Variants in MCPH1 observed in about 807,000 individuals in gnomAD.
MCPH1 encodes the protein microcephalin.
MCPH1 carries 104 observed loss-of-function variants against 84.5 expected under a neutral mutation model. The observed-to-expected ratio is 1.23, with a 90% CI of 1.05 to 1.45. MCPH1 has a LOEUF of 1.45. Among genes scored for constraint, MCPH1 ranks in the 40% most tolerant of loss-of-function variants. The pLI is 0.00. For synonymous variants in MCPH1, 514 were observed against 366.8 expected (o/e 1.40, Z -4.58); for missense variants, 1,498 against 1,005.7 (o/e 1.49, Z -6.62).
chr8:6,562,386 G>C (rs1402963981), intron 12 of MCPH1, among the ~76,000 whole-genome samples: 1 of 151,956 alleles, frequency 6.6e-6, no homozygotes, highest in African/African-American at 2.4e-5. Context: ...TGTTAATAAA[G>C]ATTTCTAACT....
chr8:6,580,742 C>T (rs2515522), intron 12 of MCPH1, among the ~76,000 whole-genome samples: 64,377 of 151,924 alleles, frequency 0.42, 14,525 homozygotes, highest in East Asian at 0.85. Context: ...AGGAAAAAGA[C>T]CCAGGAGGCA....
chr8:6,636,387 C>G (rs1285636809), intron 13 of MCPH1, among the ~76,000 whole-genome samples: 1 of 151,154 alleles, frequency 6.6e-6, no homozygotes, highest in Non-Finnish European at 1.5e-5. Context: ...TGCCACACAA[C>G]CACTGATTGT....
At chr8:6,588,871 C>T (rs1019230407) in intron 12 of MCPH1, among the ~76,000 whole-genome samples, 2 of 152,228 alleles carry the variant, frequency 1.3e-5, no homozygotes, top group Non-Finnish European at 2.9e-5. Context: ...GCCCAGTTCT[C>T]ACAGAAAAGA....
chr8:6,422,848 C>T (rs1277729468), intron 3 of MCPH1, among the ~76,000 whole-genome samples: 2 of 152,010 alleles, frequency 1.3e-5, no homozygotes, highest in African/African-American at 4.8e-5. Flanking sequence ...GCCACCACGC[C>T]CGGCTAATTT....
intron 12 of MCPH1, among the ~76,000 whole-genome samples, chr8:6,610,156 G>A (rs549267123): frequency 6.6e-6 from 1 of 152,274 alleles, no homozygotes; most frequent in South Asian, 2.1e-4. Flanking sequence ...TCCATTGTCA[G>A]ACTGTTAAAT....
At chr8:6,413,440 C>G (rs1180218777) in intron 2 of MCPH1, among the ~76,000 whole-genome samples, 2 of 151,108 alleles carry the variant, frequency 1.3e-5, no homozygotes, top group African/African-American at 4.9e-5. Context: ...AATGCATATC[C>G]TTTAGTTTGA....
intron 12 of MCPH1, among the ~76,000 whole-genome samples, chr8:6,606,888 A>G (rs1289873338): frequency 6.6e-6 from 1 of 152,230 alleles, no homozygotes; most frequent in Admixed American, 6.5e-5. Context: ...CTTGTTTGCC[A>G]CCATGTGAGA....
At chr8:6,511,529 C>T (rs1251282706) in intron 12 of MCPH1, among the ~76,000 whole-genome samples, 1 of 152,062 alleles carries the variant, frequency 6.6e-6, no homozygotes, top group African/African-American at 2.4e-5. Flanking sequence ...AGTTTTCCAA[C>T]ACTTGGGGAA....
chr8:6,473,459 G>A (rs2129558828), intron 9 of MCPH1, among the ~76,000 whole-genome samples: 1 of 150,172 alleles, frequency 6.7e-6, no homozygotes, highest in East Asian at 2.0e-4. Context: ...GGCCTCCCAA[G>A]TAGCTGGGAC....
intron 13 of MCPH1, among the ~76,000 whole-genome samples, chr8:6,630,250 A>G (rs1345840421): frequency 6.6e-6 from 1 of 152,212 alleles, no homozygotes; most frequent in Non-Finnish European, 1.5e-5. Context: ...AATCCTGACA[A>G]TGTTGAAAAA....
chr8:6,482,547 GA>G (rs973678498), intron 11 of MCPH1, among the ~76,000 whole-genome samples: 3 of 152,156 alleles, frequency 2.0e-5, no homozygotes, highest in African/African-American at 7.2e-5. Flanking sequence ...GGTTTTGGAG[GA>G]AAAAATGTTA....
At chr8:6,627,749 G>C (rs1435233263) in intron 13 of MCPH1, among the ~76,000 whole-genome samples, 2 of 152,066 alleles carry the variant, frequency 1.3e-5, no homozygotes, top group Non-Finnish European at 2.9e-5. Context: ...ATAATTAGCG[G>C]GCATGGTGGT....
At chr8:6,515,319 T>C (rs780001466) in intron 12 of MCPH1, among the ~76,000 whole-genome samples, 44 of 152,164 alleles carry the variant, frequency 2.9e-4, no homozygotes, top group Non-Finnish European at 4.7e-4. Flanking sequence ...TTCCTTTATG[T>C]GCAATACTAA....
At position 6,444,870 on chromosome 8, in the gene MCPH1, C is replaced by G; in HGVS notation, c.1148C>G (p.Pro383Arg). The G allele has an allele frequency of 1.2e-6, 2 of 1,614,104 alleles. No homozygotes were observed. Among genetic ancestry groups the G allele is most frequent in the Non-Finnish European group, 1.7e-6 (2 of 1,180,024 alleles). ...AGGAGCACCAGGAGATCTATCATGCCGAGGCTGCAGCTGTGCAGGTCGGAA... is the reference window on the plus strand; with the variant it reads ...AGGAGCACCAGGAGATCTATCATGCGGAGGCTGCAGCTGTGCAGGTCGGAA... ...RKRSTRRSIMPRLQLCRSEDR... is the reference protein window; with the variant it reads ...RKRSTRRSIMRRLQLCRSEDR... Residue 383 changes from proline (P) to arginine (R), a missense_variant, in exon 8 of 14, where the codon CCG becomes CGG. Coordinates refer to ENST00000344683, the MANE Select transcript of MCPH1 (RefSeq NM_024596.5).
At chr8:6,558,597 A>T (rs1029848870) in intron 12 of MCPH1, among the ~76,000 whole-genome samples, 1 of 152,330 alleles carries the variant, frequency 6.6e-6, no homozygotes, top group South Asian at 2.1e-4. Flanking sequence ...AAAGAGCCAC[A>T]TTGATTAAAA....
chr8:6,458,273 C>T (rs563858624), intron 9 of MCPH1, among the ~76,000 whole-genome samples: 4 of 152,122 alleles, frequency 2.6e-5, no homozygotes, highest in South Asian at 4.2e-4. Context: ...GAGATCAAGA[C>T]CATCCTGGCT....
chr8:6,559,835 G>A (rs1227502040), intron 12 of MCPH1, among the ~76,000 whole-genome samples: 1 of 151,762 alleles, frequency 6.6e-6, no homozygotes, highest in Admixed American at 6.5e-5. Flanking sequence ...GTCCACTGCA[G>A]TGTGTTTTGT....
chr8:6,568,524 G>C (rs1826404467), intron 12 of MCPH1, among the ~76,000 whole-genome samples: 1 of 152,202 alleles, frequency 6.6e-6, no homozygotes, highest in Admixed American at 6.5e-5. Context: ...TCCAGATCAA[G>C]GGATGGAAAT....
Position 6,543,044 on chromosome 8 carries a change from A to C in MCPH1, c.2214+43115A>C, listed in dbSNP as rs138951089. Among the ~76,000 whole-genome samples, 975 of 152,236 alleles carry C rather than the reference A, an allele frequency of 6.4e-3. 12 individuals carry two copies. Among genetic ancestry groups the C allele is most frequent in the African/African-American group, 0.023 (953 of 41,524 alleles). On this transcript the variant is annotated intron_variant, in intron 12 of 13. Transcript: ENST00000344683. Reference sequence around the variant, plus strand: ...CTGATGGGAATGCTTGAGAAATCTCACAGCAGGGCTGTGCGTGCCCTGCCG... The same window carrying C: ...CTGATGGGAATGCTTGAGAAATCTCCCAGCAGGGCTGTGCGTGCCCTGCCG...
Sources: allele counts gnomAD v4.1 joint callset (sites outside exome capture counted in the v4.1 genomes callset), GRCh38; gene constraint gnomAD v4.1.1; transcripts MANE v1.5; gene names NCBI Gene and HGNC (gene_info 2026-07-23, HGNC 2026-07-21).